CYP4Z1: variants seen among roughly 807,000 people sequenced by gnomAD.
The protein encoded by CYP4Z1 is cytochrome P450 family 4 subfamily Z member 1.
A neutral mutation model predicts 54.2 loss-of-function variants in CYP4Z1; 41 were observed. That is an observed-to-expected ratio of 0.76 (90% CI 0.59 to 0.98). The LOEUF (loss-of-function observed/expected upper bound fraction) is 0.98, where lower values mean the gene tolerates loss of function less well. CYP4Z1 is among the 50% of genes least tolerant of loss of function. The probability of loss-of-function intolerance (pLI) is 0.00; values close to 1 mark genes in which losing one functional copy is unlikely to be tolerated. For missense variants in CYP4Z1, 513 were observed against 599.0 expected, an observed-to-expected ratio of 0.86 and a Z score of 1.50; for synonymous variants, 163 against 206.2, an observed-to-expected ratio of 0.79 and a Z score of 1.79.
chr1:47,095,487 C>T (rs886842973), intron 7 of CYP4Z1, among the ~76,000 whole-genome samples: 1 of 152,120 alleles, frequency 6.6e-6, no homozygotes, highest in Non-Finnish European at 1.5e-5. Context: ...GCACACCAGG[C>T]TAGCAATCCT....
intron 9 of CYP4Z1, among the ~76,000 whole-genome samples, chr1:47,106,576 C>T (rs4926809): frequency 0.43 from 65,302 of 151,936 alleles, 15,379 homozygotes; most frequent in East Asian, 0.96. Context: ...AGAGGCAGTA[C>T]TGTGGGCAGA....
intron 8 of CYP4Z1, among the ~76,000 whole-genome samples, chr1:47,101,216 C>G (rs1224369350): frequency 2.0e-5 from 3 of 151,924 alleles, no homozygotes; most frequent in African/African-American, 4.8e-5. Flanking sequence ...TTTTATTGAT[C>G]CTTGCATTGT....
chr1:47,114,617 C>T (rs1001952508), intron 9 of CYP4Z1, among the ~76,000 whole-genome samples: 8 of 129,436 alleles, frequency 6.2e-5, no homozygotes, highest in African/African-American at 2.4e-4. Flanking sequence ...CAAACAACCC[C>T]ATCAACAAGA....
the CYP4Z1 span, among the ~76,000 whole-genome samples, chr1:47,055,835 G>A: frequency 1.6e-3 from 249 of 151,946 alleles, no homozygotes; most frequent in African/African-American, 5.6e-3. Flanking sequence ...TCTTGCTAGC[G>A]GTCTATCAAT....
intron 2 of CYP4Z1, among the ~76,000 whole-genome samples, chr1:47,076,675 C>A (rs1644524322): frequency 6.6e-6 from 1 of 150,934 alleles, no homozygotes; most frequent in Admixed American, 6.6e-5. Context: ...GAAACCCCGT[C>A]TCTACTAAAA....
intron 7 of CYP4Z1, among the ~76,000 whole-genome samples, chr1:47,097,413 T>A (rs1240061179): frequency 6.6e-6 from 1 of 152,238 alleles, no homozygotes; most frequent in Non-Finnish European, 1.5e-5. Context: ...TGAATGGTAT[T>A]GCCTAGATTT....
chr1:47,067,483 T>C lies in CYP4Z1; in HGVS notation c.-8T>C, dbSNP rs759273712. On this transcript the variant is annotated 5_prime_UTR_variant, in exon 1 of 12. The change abolishes the stop of an existing upstream ORF in the 5' untranslated region. Transcript: ENST00000334194. ...CAGGCTCTCCAGAGCTCAGGACCTC[T>C]GAGAAGAATGGAGCCCTCCTGGCTT... is the stretch of plus-strand genomic sequence containing the variant. 25 of 1,599,462 alleles carry C rather than the reference T, an allele frequency of 1.6e-5. No homozygotes were observed. Among genetic ancestry groups the C allele is most frequent in the Non-Finnish European group, 2.0e-5 (24 of 1,171,662 alleles).
At chr1:47,104,563 G>T (rs1397089557) in intron 8 of CYP4Z1, among the ~76,000 whole-genome samples, 1 of 152,196 alleles carries the variant, frequency 6.6e-6, no homozygotes, top group Non-Finnish European at 1.5e-5. Flanking sequence ...GGTGGTGGCG[G>T]TGATGGGCTG....
chr1:47,069,739 G>T (rs1644478652), intron 2 of CYP4Z1, among the ~76,000 whole-genome samples: 1 of 150,858 alleles, frequency 6.6e-6, no homozygotes, highest in Non-Finnish European at 1.5e-5. Flanking sequence ...GGTTGTAAGG[G>T]CATCTGGGCA....
chr1:47,115,273 A>G (rs1644821431), intron 9 of CYP4Z1, among the ~76,000 whole-genome samples: 2 of 152,132 alleles, frequency 1.3e-5, no homozygotes, highest in African/African-American at 4.8e-5. Flanking sequence ...AGGAAGGGGA[A>G]CATCACACAC....
chr1:47,084,962 A>G lies in CYP4Z1; in HGVS notation c.756A>G (p.Glu252=), dbSNP rs1378508138. The G allele has an allele frequency of 2.8e-6, 4 of 1,421,630 alleles. No individual in the cohort carries two copies. Among genetic ancestry groups the G allele is most frequent in the Non-Finnish European group, 3.9e-6 (4 of 1,036,556 alleles). 88.1% of individuals were successfully genotyped at this position (1,421,630 alleles called of 1,614,324 possible). Residue 252 remains glutamate (E), a synonymous_variant, in exon 6 of 12, where the codon GAA becomes GAG. Transcript: ENST00000334194. ...QGQIFSKFNQ[E]LHQFTEKVIQ... is the part of the protein sequence containing the mutation. ...AAATCTTTTCTAAATTTAACCAAGA[A>G]CTTCATCAGTTCACAGGTTAGTCCT...
chr1:47,090,307 T>G (rs1209467929), intron 6 of CYP4Z1, among the ~76,000 whole-genome samples: 1 of 152,210 alleles, frequency 6.6e-6, no homozygotes, highest in Non-Finnish European at 1.5e-5. Context: ...ATTAATCCTG[T>G]TATAAGGATA....
At chr1:47,105,790 A>C (rs747603373) in intron 8 of CYP4Z1, among the ~76,000 whole-genome samples, 1 of 152,180 alleles carries the variant, frequency 6.6e-6, no homozygotes, top group African/African-American at 2.4e-5. Context: ...AGAAATACTT[A>C]TTCATTCATA....
intron 11 of CYP4Z1, 108 bp from the exon 12 acceptor site, chr1:47,117,658 A>AT: frequency 8.0e-7 from 1 of 1,252,006 alleles, no homozygotes; most frequent in Non-Finnish European, 1.1e-6. Context: ...AGAAAAAAAA[A>AT]TGGATCTTGT....
intron 9 of CYP4Z1, among the ~76,000 whole-genome samples, chr1:47,108,855 A>C (rs1644774755): frequency 6.6e-6 from 1 of 152,008 alleles, no homozygotes; most frequent in Non-Finnish European, 1.5e-5. Context: ...GAAAGATAGA[A>C]GTCATCCTCA....
At chr1:47,095,036 C>A (rs758230583) in intron 7 of CYP4Z1, among the ~76,000 whole-genome samples, 3 of 151,712 alleles carry the variant, frequency 2.0e-5, no homozygotes, top group African/African-American at 7.3e-5. Flanking sequence ...ATAACTGATA[C>A]ATATTGAACT....
the CYP4Z1 span, among the ~76,000 whole-genome samples, chr1:47,060,336 T>G: frequency 2.0e-5 from 3 of 152,088 alleles, no homozygotes; most frequent in African/African-American, 7.2e-5. Flanking sequence ...ATAATGAGAC[T>G]CATAGGTTCA....
chr1:47,057,372 A>ATATATG, the CYP4Z1 span, among the ~76,000 whole-genome samples: 7 of 118,446 alleles, frequency 5.9e-5, no homozygotes, highest in Non-Finnish European at 5.2e-5. Flanking sequence ...ATATATATAT[A>ATATATG]TATATGTATA....
At position 47,068,626 on chromosome 1, in the gene CYP4Z1, A is replaced by T; in HGVS notation, c.182A>T (p.Tyr61Phe). ...AHWFYGHKEF[Y>F]PVKEFEVYHK... ...TCATGACTTATCTTATGACAGTTTT[A>T]CCCAGTAAAGGAGTTTGAGGTGTAT... Residue 61 changes from tyrosine (Y) to phenylalanine (F), a missense_variant, in exon 2 of 12, where the codon TAC (tyrosine) becomes TTC (phenylalanine). Tyr to Phe is a conservative substitution (Grantham distance 22, BLOSUM62 3). Transcript: ENST00000334194. 2 of 1,613,970 alleles carry T rather than the reference A, an allele frequency of 1.2e-6. No individual in the cohort carries two copies. Among genetic ancestry groups the T allele is most frequent in the Non-Finnish European group, 1.7e-6 (2 of 1,179,916 alleles).
Sources: allele counts gnomAD v4.1 joint callset (sites outside exome capture counted in the v4.1 genomes callset), GRCh38; gene constraint gnomAD v4.1.1; transcripts MANE v1.5; gene names NCBI Gene and HGNC (gene_info 2026-07-23, HGNC 2026-07-21).